Variants in UBR3 observed in about 807,000 individuals in gnomAD.
The protein encoded by UBR3 is ubiquitin protein ligase E3 component n-recognin 3, also known as E3 ubiquitin-protein ligase UBR3.
A neutral mutation model predicts 243.2 loss-of-function variants in UBR3; 85 were observed. The observed-to-expected ratio is 0.35, with a 90% CI of 0.29 to 0.42. The LOEUF (loss-of-function observed/expected upper bound fraction) is 0.42, where lower values mean the gene tolerates loss of function less well. Among genes scored for constraint, UBR3 ranks in the 10% least tolerant of loss-of-function variants. The pLI, the probability that UBR3 is intolerant of heterozygous loss-of-function variation, is 1.00. For missense variants in UBR3, 1,686 were observed against 2,300.8 expected (o/e 0.73, Z 5.47); for synonymous variants, 748 against 799.8 (o/e 0.94, Z 1.09).
chr2:169,991,827 CCACCTCGGCCTCCCAAAGTGTTGGGATTA>C (rs1195928780), intron 25 of UBR3, among the ~76,000 whole-genome samples: 1 of 152,056 alleles, frequency 6.6e-6, no homozygotes, highest in Non-Finnish European at 1.5e-5. Context: ...TGTGATCTGC[CCACCTCGGCCTCCCAAAGTGTTGGGATTA>C]CAGGTGTGAG....
intron 1 of UBR3, among the ~76,000 whole-genome samples, chr2:169,835,993 G>GTCCCCCCCTCTC (rs1194152380): frequency 2.0e-4 from 6 of 30,726 alleles, no homozygotes; most frequent in Non-Finnish European, 3.7e-4. Context: ...TGTGTGCACT[G>GTCCCCCCCTCTC]TCTCTCTCTC....
intron 32 of UBR3, among the ~76,000 whole-genome samples, chr2:170,047,576 C>G (rs942176206): frequency 6.6e-6 from 1 of 152,030 alleles, no homozygotes; most frequent in Non-Finnish European, 1.5e-5. Context: ...AGAATTGAGA[C>G]AGTGAACAGA....
chr2:169,861,257 C>T (rs2083078315), intron 1 of UBR3, among the ~76,000 whole-genome samples: 1 of 152,182 alleles, frequency 6.6e-6, no homozygotes, highest in Admixed American at 6.5e-5. Flanking sequence ...CAATATTAAC[C>T]ATCACAAACT....
rs961129918 is a variant in UBR3 at position 170,084,013 on chromosome 2, C to T, written c.*2170C>T. On this transcript the variant is annotated 3_prime_UTR_variant, in exon 39 of 39. Transcript: ENST00000272793. ...ATGATCATTTAAATACAGTACATTA[C>T]TGTAGAAGCTAAATTGATCTTTATA... The T allele has an allele frequency of 1.3e-5, 2 of 152,450 alleles. No individual in the cohort carries two copies. The highest frequency in any genetic ancestry group is 4.8e-5 in the African/African-American group (2 of 41,396). The allele number at this position is 152,450 out of a possible 1,614,324, so 9.4% of individuals were successfully genotyped here. A position where few individuals can be genotyped will look rare whatever the true frequency, so the allele number is the denominator to read the frequency against.
At chr2:169,926,804 T>C (rs1170646936) in intron 15 of UBR3, 34 bp from the exon 16 acceptor site, 3 of 1,544,636 alleles carry the variant, frequency 1.9e-6, no homozygotes, top group South Asian at 1.2e-5. Flanking sequence ...TGTTTTAATT[T>C]ATAAAAATAT....
rs1199337190 is a variant in UBR3 at position 169,953,086 on chromosome 2, TGATACTG to T, written c.3545+3024_3545+3030del. ...AATTTTGTAATTATTACTAATAATG[TGATACTG>T]GAGGACATAGTTTAGATGCTGCTTT... On this transcript the variant is annotated intron_variant, in intron 23 of 38. Coordinates refer to ENST00000272793, the MANE Select transcript of UBR3 (RefSeq NM_172070.4). 2.0e-5 allele frequency among the ~76,000 whole-genome samples: 3 copies of T among 152,206 alleles called. No homozygotes were observed. The East Asian group carries it at 5.8e-4, about 29-fold the overall frequency.
rs900447120 is a variant in UBR3 at position 169,877,597 on chromosome 2, G to T, written c.948G>T (p.Val316=). 1.9e-5 allele frequency: 29 copies of T among 1,549,054 alleles called. No homozygotes were observed. Among genetic ancestry groups the T allele is most frequent in the African/African-American group, 2.7e-5 (2 of 72,906 alleles). The part of the protein sequence containing the change: ...TYPEDKLVYG[V]QEPSAGTSSL... ...CTGAGGATAAGCTTGTATATGGTGT[G>T]CAGGAGCCATCTGCTGGTACTAGTT... The change falls in exon 4 of 39, where the codon GTG becomes GTT. Residue 316 remains valine (V), a synonymous_variant. Transcript: ENST00000272793.
chr2:169,920,912 C>A (rs932949164), intron 11 of UBR3, among the ~76,000 whole-genome samples: 1 of 152,022 alleles, frequency 6.6e-6, no homozygotes, highest in South Asian at 2.1e-4. Flanking sequence ...TAGGCAGACA[C>A]CACAAAAGGT....
chr2:169,908,463 T>C (rs1392877102), intron 10 of UBR3, among the ~76,000 whole-genome samples: 2 of 152,344 alleles, frequency 1.3e-5, no homozygotes, highest in Admixed American at 6.5e-5. Context: ...AACTGTCATA[T>C]AATATGAGGT....
intron 20 of UBR3, among the ~76,000 whole-genome samples, chr2:169,944,364 G>A (rs2086707643): frequency 6.6e-6 from 1 of 152,128 alleles, no homozygotes; most frequent in Non-Finnish European, 1.5e-5. Flanking sequence ...AGTAATTCAT[G>A]AAAAATTAAG....
rs539645176 is a variant in UBR3 at position 169,895,961 on chromosome 2, A to G, written c.1237-546A>G. Reference sequence around the variant, plus strand: ...TTTGTGTGTCTTTATATCTGCTAAAAAAAAAAACCAGAGAAAATGTACATG... The same window carrying G: ...TTTGTGTGTCTTTATATCTGCTAAAGAAAAAAACCAGAGAAAATGTACATG... On this transcript the variant is annotated intron_variant, in intron 7 of 38. Transcript: ENST00000272793. 1.8e-4 allele frequency among the ~76,000 whole-genome samples: 28 copies of G among 152,296 alleles called. No homozygotes were observed. The South Asian group carries it at 4.1e-3, about 23-fold the overall frequency.
At chr2:170,040,830 TAGAA>T (rs1404688672) in intron 31 of UBR3, 48 bp from the exon 32 acceptor site, 11 of 1,325,558 alleles carry the variant, frequency 8.3e-6, no homozygotes, top group African/African-American at 4.5e-5. Flanking sequence ...TAAAATAAAT[TAGAA>T]AGAGAAGATA....
chr2:169,827,877 T>A lies in UBR3; in HGVS notation c.370T>A (p.Trp124Arg). 1 of 1,515,636 alleles carries A rather than the reference T, an allele frequency of 6.6e-7. No individual in the cohort carries two copies. The highest frequency in any genetic ancestry group is 8.8e-7 in the Non-Finnish European group (1 of 1,135,300). 93.9% of individuals were successfully genotyped at this position (1,515,636 alleles called of 1,614,324 possible). A position where few individuals can be genotyped will look rare whatever the true frequency, so the allele number is the denominator to read the frequency against. The change falls in exon 1 of 39, where the codon TGG becomes AGG. Residue 124 changes from tryptophan (W) to arginine (R), a missense_variant. Trp to Arg is a moderately radical substitution (Grantham distance 101). Around this residue, in one of 8 missense-constraint regions of UBR3, gnomAD observed 145 missense variants for 243.8 expected, o/e 0.59. Transcript: ENST00000272793. The part of the protein sequence containing the change: ...YDPAALCGLV[W>R]TANFVAYRCR... ...TCCCGCGGCGCTCTGCGGCCTGGTC[T>A]GGACAGCCAACTTCGTGGCCTACCG...
At chr2:169,883,279 T>C (rs889400695) in intron 5 of UBR3, among the ~76,000 whole-genome samples, 2 of 152,134 alleles carry the variant, frequency 1.3e-5, no homozygotes, top group African/African-American at 4.8e-5. Context: ...AGAACTCAGC[T>C]GGTTGTTGAT....
chr2:170,031,319 C>G (rs1475475456), intron 31 of UBR3, among the ~76,000 whole-genome samples: 2 of 151,972 alleles, frequency 1.3e-5, no homozygotes, highest in African/African-American at 4.8e-5. Context: ...ATACATTTCA[C>G]CAGATTGTCA....
chr2:169,850,969 A>C (rs1289996251), intron 1 of UBR3, among the ~76,000 whole-genome samples: 1 of 152,226 alleles, frequency 6.6e-6, no homozygotes, highest in Admixed American at 6.5e-5. Context: ...GTACTTGGTT[A>C]CATTTCTGCT....
intron 19 of UBR3, among the ~76,000 whole-genome samples, chr2:169,938,955 A>G (rs1202589883): frequency 6.6e-6 from 1 of 152,116 alleles, no homozygotes; most frequent in Non-Finnish European, 1.5e-5. Flanking sequence ...TGGATAACTT[A>G]AAACTACACA....
At chr2:170,062,277 G>T (rs1036779701) in intron 35 of UBR3, among the ~76,000 whole-genome samples, 2 of 152,190 alleles carry the variant, frequency 1.3e-5, no homozygotes, top group Non-Finnish European at 2.9e-5. Flanking sequence ...GTGCTTATAG[G>T]AATGTGATCC....
At chr2:169,852,824 C>T (rs372538552) in intron 1 of UBR3, among the ~76,000 whole-genome samples, 55 of 121,712 alleles carry the variant, frequency 4.5e-4, no homozygotes, top group African/African-American at 1.5e-3. Flanking sequence ...TCACTCCAGC[C>T]TGGGTGAAAG....
Sources: allele counts gnomAD v4.1 joint callset (sites outside exome capture counted in the v4.1 genomes callset), GRCh38; gene constraint gnomAD v4.1.1; regional missense constraint gnomAD v4.1.1; transcripts MANE v1.5; gene names NCBI Gene and HGNC (gene_info 2026-07-23, HGNC 2026-07-21).